DSP: variants seen among roughly 807,000 people sequenced by gnomAD.
The protein encoded by DSP is 250/210 kDa paraneoplastic pemphigus antigen.
Under a neutral mutation model 290.6 loss-of-function variants are expected in DSP, and 114 were observed. The ratio of observed to expected loss-of-function variants is 0.39; its 90% CI spans 0.34 to 0.46. DSP has a LOEUF of 0.46. Ranked by LOEUF, DSP falls within the 20% of genes least tolerant of loss-of-function variation. The pLI is 0.99. For missense variants in DSP, 3,230 were observed against 3,495.8 expected (o/e 0.92, Z 1.92); for synonymous variants, 1,311 against 1,316.4 (o/e 1.00, Z 0.09).
chr6:7,546,268 G>A (rs554069813), intron 1 of DSP, among the ~76,000 whole-genome samples: 1 of 152,336 alleles, frequency 6.6e-6, no homozygotes, highest in Admixed American at 6.5e-5. Flanking sequence ...CAGGCCCAGA[G>A]CTCGAGTGAC....
In DSP at chr6:7,558,132, A is replaced by G; in HGVS notation, c.290A>G (p.Asp97Gly). The G allele has an allele frequency of 1.9e-6, 3 of 1,614,148 alleles. No individual in the cohort carries two copies. Among genetic ancestry groups the G allele is most frequent in the Non-Finnish European group, 2.5e-6 (3 of 1,180,030 alleles). ...LIVQPELKYG[D>G]GIQLTRSREL... ...TTCTTTCAGGAATTGAAGTATGGAG[A>G]TGGAATACAACTGACTCGGAGTCGA... Residue 97 changes from aspartate (D) to glycine (G), a missense_variant, in exon 3 of 24, where the codon GAT (aspartate) becomes GGT (glycine). Transcript: ENST00000379802.
At chr6:7,553,235 G>A (rs1758395102) in intron 1 of DSP, among the ~76,000 whole-genome samples, 1 of 152,072 alleles carries the variant, frequency 6.6e-6, no homozygotes, top group African/African-American at 2.4e-5. Context: ...CTCCCAAAGT[G>A]CGGGGATTAC....
chr6:7,562,800 T>G lies in DSP; in HGVS notation c.726+20T>G, dbSNP rs775269539. 8 of 1,613,710 alleles carry G rather than the reference T, an allele frequency of 5.0e-6. No homozygotes were observed. Among genetic ancestry groups the G allele is most frequent in the Non-Finnish European group, 6.8e-6 (8 of 1,179,746 alleles). ...GACCTGGTACTTGTCTGTGTTTCAT[T>G]TTAGAGTCTTCAAAATATCTACCGA... On this transcript the variant is annotated intron_variant, in intron 5 of 23. Transcript: ENST00000379802.
chr6:7,559,133 T>C, intron 3 of DSP, 93 bp from the exon 4 acceptor site: 1 of 1,413,272 alleles, frequency 7.1e-7, no homozygotes, highest in South Asian at 1.2e-5. Flanking sequence ...GCTTCTCTAT[T>C]GACACAAAAG....
chr6:7,565,767 A>G lies in DSP; in HGVS notation c.939+247A>G, dbSNP rs1165774987. ...GTTCTCACTTAGGAGTGGGAACTAAATGATGAGAATACATGGATACATCGA... is the reference window on the plus strand; with the variant it reads ...GTTCTCACTTAGGAGTGGGAACTAAGTGATGAGAATACATGGATACATCGA... On this transcript the variant is annotated intron_variant, in intron 7 of 23. Coordinates refer to ENST00000379802, the MANE Select transcript of DSP (RefSeq NM_004415.4). The surrounding 1 kb of genome is among the most constrained non-coding windows in gnomAD (Gnocchi z 4.2). The G allele has an allele frequency of 5.5e-5, 28 of 506,060 alleles. No homozygotes were observed. Among genetic ancestry groups the G allele is most frequent in the Non-Finnish European group, 9.0e-5 (25 of 278,856 alleles). The allele number at this position is 506,060 out of a possible 1,614,324, so 31.3% of individuals were successfully genotyped here.
chr6:7,569,815 CG>C (rs1280755480), intron 12 of DSP, among the ~76,000 whole-genome samples: 1 of 130,096 alleles, frequency 7.7e-6, no homozygotes, highest in African/African-American at 3.1e-5. Flanking sequence ...GCCTGGGCAA[CG>C]AGAGCAAAAC....
Position 7,581,512 on chromosome 6 carries a change from G to C in DSP, c.5322G>C (p.Gln1774His), listed in dbSNP as rs1216319639. The C allele has an allele frequency of 6.2e-7, 1 of 1,613,852 alleles. No homozygotes were observed. Among genetic ancestry groups the C allele is most frequent in the Non-Finnish European group, 8.5e-7 (1 of 1,179,972 alleles). ...TGCAGGGGCTGATTAATGATTTACA[G>C]AGAGAGAGGGAAAATTTGAGACAGG... ...LELQGLINDLQRERENLRQEI... is the reference protein window; with the variant it reads ...LELQGLINDLHRERENLRQEI... Residue 1774 changes from glutamine (Q) to histidine (H), a missense_variant, in exon 23 of 24, where the codon CAG becomes CAC. Physicochemically the swap from Gln to His is conservative, Grantham distance 24. This residue lies in a region of DSP where 1,714 missense variants were observed against 1,844.5 expected (regional missense o/e 0.93). Transcript: ENST00000379802.
chr6:7,546,286 G>A (rs539692100), intron 1 of DSP, among the ~76,000 whole-genome samples: 8 of 152,174 alleles, frequency 5.3e-5, no homozygotes, highest in East Asian at 1.9e-4. Flanking sequence ...GACTCATAGC[G>A]TAGATAGTCT....
chr6:7,574,821 C>T, intron 17 of DSP, 26 bp downstream of exon 17: 1 of 1,614,084 alleles, frequency 6.2e-7, no homozygotes, highest in Middle Eastern at 1.6e-4. Flanking sequence ...ATAACAGTGG[C>T]CCAACTTACA....
intron 2 of DSP, among the ~76,000 whole-genome samples, chr6:7,556,811 C>T (rs1210578073): frequency 6.6e-6 from 1 of 152,144 alleles, no homozygotes; most frequent in Non-Finnish European, 1.5e-5. Flanking sequence ...CTAGTTGTTT[C>T]GAGTGTCTGA....
chr6:7,565,541 T>C lies in DSP; in HGVS notation c.939+21T>C. On this transcript the variant is annotated intron_variant, in intron 7 of 23. Coordinates refer to ENST00000379802, the MANE Select transcript of DSP (RefSeq NM_004415.4). This position sits in a 1 kb window ranked among gnomAD's most constrained non-coding sequence, Gnocchi z 4.2. ...TCTCCGTAAGTTCACCCCACGCGGC[T>C]GTAGATGCTTGTCTTGAGCCTGTTG... The C allele has an allele frequency of 6.2e-7, 1 of 1,613,770 alleles. No individual in the cohort carries two copies. Among genetic ancestry groups the C allele is most frequent in the Non-Finnish European group, 8.5e-7 (1 of 1,179,812 alleles).
At position 7,565,865 on chromosome 6, in the gene DSP, A is replaced by G. The variant is rs991372888; in HGVS notation, c.939+345A>G. On this transcript the variant is annotated intron_variant, in intron 7 of 23. Coordinates refer to ENST00000379802, the MANE Select transcript of DSP (RefSeq NM_004415.4). The surrounding 1 kb of genome is among the most constrained non-coding windows in gnomAD (Gnocchi z 4.2). ...GGAAGGAGGGAGAGGATCAGGCAAG[A>G]TAACTAATGGGTACTAGGCTTAATC... 1 of 390,530 alleles carries G rather than the reference A, an allele frequency of 2.6e-6. No homozygotes were observed. Among genetic ancestry groups the G allele is most frequent in the African/African-American group, 2.1e-5 (1 of 48,294 alleles). 24.2% of individuals were successfully genotyped at this position (390,530 alleles called of 1,614,324 possible).
chr6:7,555,958 C>T, intron 2 of DSP, 138 bp downstream of exon 2: 2 of 756,206 alleles, frequency 2.6e-6, no homozygotes, highest in South Asian at 3.0e-5. Context: ...TCAGAACAGA[C>T]TACAGAGAGA....
At chr6:7,567,704 A>T in intron 9 of DSP, 77 bp from the exon 10 acceptor site, 1 of 1,603,876 alleles carries the variant, frequency 6.2e-7, no homozygotes, top group East Asian at 2.2e-5. Flanking sequence ...AGGGATGACA[A>T]TCCTTGAAAC....
Position 7,565,594 on chromosome 6 carries a change from G to T in DSP, c.939+74G>T. 6.4e-7 allele frequency: 1 copy of T among 1,568,322 alleles called. No homozygotes were observed. Among genetic ancestry groups the T allele is most frequent in the South Asian group, 1.1e-5 (1 of 89,312 alleles). Reference sequence around the variant, plus strand: ...TTGAAGAGCTGGGGTCTCGGGGAATGATTGGTCTATTAATAATTTAATCAG... The same window carrying T: ...TTGAAGAGCTGGGGTCTCGGGGAATTATTGGTCTATTAATAATTTAATCAG... On this transcript the variant is annotated intron_variant, in intron 7 of 23. Transcript: ENST00000379802. The surrounding 1 kb of genome is among the most constrained non-coding windows in gnomAD (Gnocchi z 4.2).
chr6:7,558,970 G>A (rs1758588935), intron 3 of DSP, among the ~76,000 whole-genome samples: 2 of 152,160 alleles, frequency 1.3e-5, no homozygotes, highest in Admixed American at 6.5e-5. Flanking sequence ...AAGAGAAAAT[G>A]AAAGTTGCTC....
At chr6:7,577,564 G>C (rs1407660309) in intron 20 of DSP, among the ~76,000 whole-genome samples, 1 of 152,114 alleles carries the variant, frequency 6.6e-6, no homozygotes, top group South Asian at 2.1e-4. Flanking sequence ...CCGATCTCAG[G>C]GGATCTGCCC....
At chr6:7,548,150 G>GC (rs1389603405) in intron 1 of DSP, among the ~76,000 whole-genome samples, 1 of 151,586 alleles carries the variant, frequency 6.6e-6, no homozygotes, top group African/African-American at 2.4e-5. Context: ...TCCTGTAGTC[G>GC]CAACTGCTCA....
Position 7,580,251 on chromosome 6 carries a change from A to G in DSP, c.4061A>G (p.Asn1354Ser), listed in dbSNP as rs746333083. 4.3e-6 allele frequency: 7 copies of G among 1,613,988 alleles called. No homozygotes were observed. Among genetic ancestry groups the G allele is most frequent in the Non-Finnish European group, 5.9e-6 (7 of 1,180,040 alleles). The change falls in exon 23 of 24, where the codon AAT (asparagine) becomes AGT (serine). Residue 1354 changes from asparagine to serine, a missense_variant. Asn to Ser is a conservative substitution (Grantham distance 46). This residue lies in a region of DSP where 1,714 missense variants were observed against 1,844.5 expected (regional missense o/e 0.93). Transcript: ENST00000379802. The surrounding 1 kb of genome is among the most constrained non-coding windows in gnomAD (Gnocchi z 4.2). Reference protein sequence around the residue: ...YENELSKVRNNYDEEIISLKN... With the variant: ...YENELSKVRNSYDEEIISLKN... ...AATGAACTGAGTAAGGTAAGAAACA[A>G]TTATGATGAGGAGATCATTAGCTTA...
Sources: gnomAD v4.1 joint callset for allele counts (sites outside exome capture counted in the v4.1 genomes callset) on GRCh38, gnomAD v4.1.1 for gene constraint, gnomAD v4.1.1 regional missense constraint, Gnocchi (gnomAD v3.1) non-coding constraint, MANE v1.5 for transcripts, NCBI Gene and HGNC (gene_info 2026-07-23, HGNC 2026-07-21) for gene names.